The following GNG7 variants were observed in gnomAD, a reference collection of about 807,000 sequenced individuals.
GNG7 encodes the protein guanine nucleotide-binding protein G(I)/G(S)/G(O) subunit gamma-7.
In GNG7, 1 loss-of-function variant was observed where a neutral mutation model predicts 4.0. The ratio of observed to expected loss-of-function variants is 0.25; its 90% confidence interval spans 0.09 to 1.18. GNG7 has a LOEUF of 1.18. GNG7 is among the 50% of genes most tolerant of loss of function. The pLI is 0.50. For synonymous variants in GNG7, 34 were observed against 36.9 expected, an observed-to-expected ratio of 0.92 and a Z score of 0.29; for missense variants, 86 against 91.9, an observed-to-expected ratio of 0.94 and a Z score of 0.26.
chr19:2,570,238 A>G (rs896688363), intron 2 of GNG7, among the ~76,000 whole-genome samples: 1 of 152,142 alleles, frequency 6.6e-6, no homozygotes, highest in Non-Finnish European at 1.5e-5. Flanking sequence ...AAACTTCCTG[A>G]GGCCTCACCA....
intron 2 of GNG7, among the ~76,000 whole-genome samples, chr19:2,566,540 C>T (rs749985271): frequency 1.3e-5 from 2 of 152,154 alleles, no homozygotes; most frequent in South Asian, 2.1e-4. Context: ...GGGAAGGGTC[C>T]GAGACAGCAG....
In GNG7 at chr19:2,512,961, G is replaced by A. The variant is rs1972676644; in HGVS notation, c.*2061C>T. 3.6e-5 allele frequency: 35 copies of A among 985,450 alleles called. No individual in the cohort carries two copies. Among genetic ancestry groups the A allele is most frequent in the Non-Finnish European group, 4.2e-5 (35 of 829,968 alleles). The allele number at this position is 985,450 out of a possible 1,614,324, so 61.0% of individuals were successfully genotyped here. On this transcript the variant is annotated 3_prime_UTR_variant, in exon 5 of 5. Transcript: ENST00000382159. The surrounding 1 kb of genome is among the most constrained non-coding windows in gnomAD (Gnocchi z 4.7). Reference sequence around the variant, plus strand: ...CCAACCACAGGAGGCTGCAGTCTCCGGGAGCCTCTGGGGCTCTCCCGGGCC... The same window carrying A: ...CCAACCACAGGAGGCTGCAGTCTCCAGGAGCCTCTGGGGCTCTCCCGGGCC...
intron 2 of GNG7, among the ~76,000 whole-genome samples, chr19:2,600,612 C>A (rs1981170712): frequency 6.6e-6 from 1 of 151,956 alleles, no homozygotes; most frequent in East Asian, 1.9e-4. Context: ...GCTGGGATTA[C>A]AGGCGCCACC....
At chr19:2,665,322 G>A (rs1169723789) in intron 1 of GNG7, among the ~76,000 whole-genome samples, 1 of 150,314 alleles carries the variant, frequency 6.7e-6, no homozygotes, top group Non-Finnish European at 1.5e-5. Flanking sequence ...TCTCAATGGT[G>A]ACAGCCACAA....
At chr19:2,583,128 T>A (rs974302255) in intron 2 of GNG7, among the ~76,000 whole-genome samples, 12 of 152,038 alleles carry the variant, frequency 7.9e-5, no homozygotes, top group African/African-American at 2.4e-4. Context: ...ATTTTTTTTT[T>A]AAATAGATAA....
chr19:2,628,751 C>G (rs144302555), intron 2 of GNG7, among the ~76,000 whole-genome samples: 1 of 152,088 alleles, frequency 6.6e-6, no homozygotes, highest in South Asian at 2.1e-4. Flanking sequence ...TCGGGATGTG[C>G]TTCTGGTCTC....
intron 2 of GNG7, among the ~76,000 whole-genome samples, chr19:2,595,959 G>A (rs1599412096): frequency 1.3e-5 from 2 of 152,114 alleles, no homozygotes; most frequent in East Asian, 1.9e-4. Context: ...GTCCATCAAC[G>A]ACCGAATCCA....
At chr19:2,696,408 A>AGAAG (rs60180160) in intron 1 of GNG7, among the ~76,000 whole-genome samples, 10 of 151,796 alleles carry the variant, frequency 6.6e-5, no homozygotes, top group East Asian at 1.9e-4. Context: ...AGACGAAGGA[A>AGAAG]GAAGGAAGGA....
At chr19:2,581,749 T>C (rs2144791640) in intron 2 of GNG7, among the ~76,000 whole-genome samples, 1 of 152,364 alleles carries the variant, frequency 6.6e-6, no homozygotes, top group Admixed American at 6.5e-5. Flanking sequence ...AACCGTGTTA[T>C]GGTCTAAGGT....
rs946719174 is a variant in GNG7, at chr19:2,653,485, T to C, written c.-134-7205A>G. On this transcript the variant is annotated intron_variant, in intron 1 of 4. Transcript: ENST00000382159. This position sits in a 1 kb window ranked among gnomAD's most constrained non-coding sequence, Gnocchi z 4.8. ...AATCCCAGGAGCTGGGGGGCCCCCCTGGTTTATACCGTCTTCCCCATCAGG... is the reference window on the plus strand; with the variant it reads ...AATCCCAGGAGCTGGGGGGCCCCCCCGGTTTATACCGTCTTCCCCATCAGG... Among the ~76,000 whole-genome samples, 9 of 152,164 alleles carry C rather than the reference T, an allele frequency of 5.9e-5. No individual in the cohort carries two copies. Among genetic ancestry groups the C allele is most frequent in the Non-Finnish European group, 1.0e-4 (7 of 68,000 alleles).
chr19:2,620,099 A>G (rs1373003702), intron 2 of GNG7, among the ~76,000 whole-genome samples: 1 of 151,698 alleles, frequency 6.6e-6, no homozygotes, highest in Admixed American at 6.6e-5. Context: ...TGGGAGGCTG[A>G]GGCAGGAGAA....
chr19:2,611,008 G>A lies in GNG7; in HGVS notation c.-78+35216C>T, dbSNP rs1041405998. 2.8e-5 allele frequency: 3 copies of A among 107,814 alleles called. No homozygotes were observed. Among genetic ancestry groups the A allele is most frequent in the Admixed American group, 8.5e-5 (1 of 11,786 alleles). The allele number at this position is 107,814 out of a possible 1,614,324, so 6.7% of individuals were successfully genotyped here. A position where few individuals can be genotyped will look rare whatever the true frequency, so the allele number is the denominator to read the frequency against. ...AACGGGCTCACGTGCCAGGCTCGGG[G>A]GGGGGGAAGCGTCCTCAACATTCTC... On this transcript the variant is annotated intron_variant, in intron 2 of 4. Transcript: ENST00000382159. This position sits in a 1 kb window ranked among gnomAD's most constrained non-coding sequence, Gnocchi z 6.0.
At chr19:2,573,762 GA>G (rs1980223823) in intron 2 of GNG7, among the ~76,000 whole-genome samples, 1 of 152,182 alleles carries the variant, frequency 6.6e-6, no homozygotes, top group African/African-American at 2.4e-5. Context: ...AGAATCGCTT[GA>G]ACCTGGGAGG....
At position 2,512,759 on chromosome 19, in the gene GNG7, G is replaced by A. The variant is rs1972673566; in HGVS notation, c.*2263C>T. 2 of 340,742 alleles carry A rather than the reference G, an allele frequency of 5.9e-6. No homozygotes were observed. The highest frequency in any genetic ancestry group is 8.3e-6 in the Non-Finnish European group (2 of 240,654). The allele number at this position is 340,742 out of a possible 1,614,324, so 21.1% of individuals were successfully genotyped here. A position where few individuals can be genotyped will look rare whatever the true frequency, so the allele number is the denominator to read the frequency against. On this transcript the variant is annotated 3_prime_UTR_variant, in exon 5 of 5. Coordinates refer to ENST00000382159, the MANE Select transcript of GNG7 (RefSeq NM_052847.3). This position sits in a 1 kb window ranked among gnomAD's most constrained non-coding sequence, Gnocchi z 4.7. ...ATTAAGGCCTCTTTTAAGGAAAAAC[G>A]GGGTGGGGTGTGTTTGTTCCCAGTT... is the stretch of plus-strand genomic sequence containing the variant.
intron 2 of GNG7, among the ~76,000 whole-genome samples, chr19:2,640,480 A>C (rs1982476847): frequency 6.6e-6 from 1 of 152,138 alleles, no homozygotes; most frequent in Non-Finnish European, 1.5e-5. Context: ...GAATGAGAGA[A>C]TAGAACCCTC....
intron 1 of GNG7, among the ~76,000 whole-genome samples, chr19:2,661,292 A>AG (rs1568277750): frequency 5.3e-5 from 2 of 37,830 alleles, no homozygotes; most frequent in Non-Finnish European, 5.2e-5. Flanking sequence ...GAAAGAAAGA[A>AG]AGAAAGAAAG....
At chr19:2,549,656 G>A (rs1979253578) in intron 3 of GNG7, among the ~76,000 whole-genome samples, 1 of 152,080 alleles carries the variant, frequency 6.6e-6, no homozygotes, top group Non-Finnish European at 1.5e-5. Flanking sequence ...GGGAATTTCA[G>A]TCTCTCCCCC....
chr19:2,620,115 T>G (rs1414388758), intron 2 of GNG7, among the ~76,000 whole-genome samples: 1 of 151,168 alleles, frequency 6.6e-6, no homozygotes, highest in Non-Finnish European at 1.5e-5. Flanking sequence ...GAGAATTGCT[T>G]GAACCCGGGA....
At chr19:2,561,714 TAAA>T (rs370642587) in intron 2 of GNG7, among the ~76,000 whole-genome samples, 2 of 136,784 alleles carry the variant, frequency 1.5e-5, no homozygotes, top group African/African-American at 2.7e-5. Context: ...CCGTCTCTAC[TAAA>T]AAAAAAAAAA....
Sources: allele counts gnomAD v4.1 joint callset (sites outside exome capture counted in the v4.1 genomes callset), GRCh38; gene constraint gnomAD v4.1.1; non-coding constraint Gnocchi (gnomAD v3.1); transcripts MANE v1.5; gene names NCBI Gene and HGNC (gene_info 2026-07-23, HGNC 2026-07-21).